The following DUSP4 variants were observed in gnomAD, a reference collection of about 807,000 sequenced individuals.
The protein encoded by DUSP4 is dual specificity phosphatase 4.
Under a neutral mutation model 27.2 loss-of-function variants are expected in DUSP4, and 12 were observed. The ratio of observed to expected loss-of-function variants is 0.44; its 90% CI spans 0.28 to 0.71. The LOEUF (loss-of-function observed/expected upper bound fraction) is 0.71. Ranked by LOEUF, DUSP4 falls within the 30% of genes least tolerant of loss-of-function variation. The probability of loss-of-function intolerance (pLI) is 0.14; values close to 1 mark genes in which losing one functional copy is unlikely to be tolerated. For synonymous variants in DUSP4, 257 were observed against 245.2 expected, an observed-to-expected ratio of 1.05 and a Z score of -0.45; for missense variants, 448 against 551.3, an observed-to-expected ratio of 0.81 and a Z score of 1.88.
At chr8:29,349,069 G>A (rs1817782828) in intron 1 of DUSP4, among the ~76,000 whole-genome samples, 1 of 152,232 alleles carries the variant, frequency 6.6e-6, no homozygotes, top group South Asian at 2.1e-4. Flanking sequence ...TTTCGCCAGG[G>A]CTCGCTAAAA....
chr8:29,345,288 CTACTT>C (rs752985453), intron 1 of DUSP4: 5 of 1,535,322 alleles, frequency 3.3e-6, no homozygotes, highest in Non-Finnish European at 3.6e-6. Flanking sequence ...TTTGGGAACT[CTACTT>C]TATGTGACTG....
At chr8:29,348,194 G>A (rs750243881) in intron 1 of DUSP4, 1 of 985,652 alleles carries the variant, frequency 1.0e-6, no homozygotes, top group Non-Finnish European at 1.2e-6. Context: ...CTCTCCATCG[G>A]GGGGACTCGA....
intron 2 of DUSP4, 55 bp from the exon 3 acceptor site, chr8:29,338,556 C>T: frequency 3.2e-6 from 5 of 1,557,140 alleles, no homozygotes; most frequent in Non-Finnish European, 4.4e-6. Context: ...AAGTGCTTGG[C>T]ACAGGGAGTG....
At position 29,350,611 on chromosome 8, in the gene DUSP4, C is replaced by G. The variant is rs1817809861; in HGVS notation, c.-333G>C. ...CTCCCGTGTATTTTTGCCGGTCGCG[C>G]GGCTCCTGTCGCCACTGGCGCCAGC... On this transcript the variant is annotated 5_prime_UTR_variant, in exon 1 of 4. Transcript: ENST00000240100. The G allele has an allele frequency of 3.4e-6, 1 of 292,800 alleles. No individual in the cohort carries two copies. The highest frequency in any genetic ancestry group is 5.1e-5 in the Admixed American group (1 of 19,656). 18.1% of individuals were successfully genotyped at this position (292,800 alleles called of 1,614,324 possible). A position where few individuals can be genotyped will look rare whatever the true frequency, so the allele number is the denominator to read the frequency against.
intron 1 of DUSP4, chr8:29,346,014 C>T (rs1817729580): frequency 3.0e-6 from 3 of 986,554 alleles, no homozygotes; most frequent in East Asian, 1.1e-4. Context: ...TCCCCCAGAG[C>T]TGTGCTGTTT....
At position 29,350,212 on chromosome 8, in the gene DUSP4, C is replaced by T. The variant is rs1817802711; in HGVS notation, c.67G>A (p.Glu23Lys). 6 of 1,609,078 alleles carry T rather than the reference C, an allele frequency of 3.7e-6. No homozygotes were observed. Among genetic ancestry groups the T allele is most frequent in the East Asian group, 2.2e-5 (1 of 44,774 alleles). ...CTGCCGCCCGCGCCGCCGCCATTCT[C>T]GTCCCGGTTCATCAGCCTTTTGAGC... ...SVLKRLMNRD[E>K]NGGGAGGSGS... The change falls in exon 1 of 4, where the codon GAG becomes AAG. Residue 23 changes from glutamate (E) to lysine (K), a missense_variant. Glu to Lys is a moderately conservative substitution (Grantham distance 56, BLOSUM62 1). Around this residue, in one of 3 missense-constraint regions of DUSP4, gnomAD observed 345 missense variants for 394.0 expected, o/e 0.88. Coordinates refer to ENST00000240100, the MANE Select transcript of DUSP4 (RefSeq NM_001394.7).
chr8:29,338,543 G>A (rs1329741316), intron 2 of DUSP4, 42 bp from the exon 3 acceptor site: 4 of 1,586,712 alleles, frequency 2.5e-6, no homozygotes, highest in Non-Finnish European at 3.4e-6. Context: ...TGACATGAGG[G>A]TAAAGTGCTT....
chr8:29,338,232 C>T (rs1817606008), intron 3 of DUSP4, 50 bp downstream of exon 3: 1 of 1,584,022 alleles, frequency 6.3e-7, no homozygotes, highest in South Asian at 1.1e-5. Context: ...GGTTCCTTAT[C>T]CTTCCCACCC....
At position 29,340,104 on chromosome 8, in the gene DUSP4, G is replaced by A. The variant is rs41277861; in HGVS notation, c.573C>T (p.His191=). The part of the protein sequence containing the change: ...LGCSSCGTPL[H]DQGGPVEILP... Reference sequence around the variant, plus strand: ...CCCTGCCCCCCGAGTCTACCTGGTCGTGTAGTGGGGTCCCACAGGAGCTGC... The same window carrying A: ...CCCTGCCCCCCGAGTCTACCTGGTCATGTAGTGGGGTCCCACAGGAGCTGC... Residue 191 remains histidine (H), a synonymous_variant, in exon 2 of 4, where the codon CAC becomes CAT. Transcript: ENST00000240100. The A allele has an allele frequency of 3.1e-3, 4,851 of 1,571,422 alleles. 16 individuals carry two copies. The highest frequency in any genetic ancestry group is 3.6e-3 in the Non-Finnish European group (4,201 of 1,158,038).
Position 29,339,742 on chromosome 8 carries a change from G to A in DUSP4, c.579+356C>T, listed in dbSNP as rs115669225. Among the ~76,000 whole-genome samples, 667 of 151,752 alleles carry A rather than the reference G, an allele frequency of 4.4e-3. 9 individuals carry two copies. The highest frequency in any genetic ancestry group is 0.015 in the African/African-American group (625 of 41,390). Reference sequence around the variant, plus strand: ...CTCAGGATTGGATGCAGTGGCTCACGCCTGTGATCCCAACACTTTGGGAGG... The same window carrying A: ...CTCAGGATTGGATGCAGTGGCTCACACCTGTGATCCCAACACTTTGGGAGG... On this transcript the variant is annotated intron_variant, in intron 2 of 3. Transcript: ENST00000240100.
chr8:29,336,410 A>G lies in DUSP4; in HGVS notation c.*616T>C, dbSNP rs1410201743. 1 of 152,298 alleles carries G rather than the reference A, an allele frequency of 6.6e-6. No homozygotes were observed. The highest frequency in any genetic ancestry group is 2.4e-5 in the African/African-American group (1 of 41,450). 9.4% of individuals were successfully genotyped at this position (152,298 alleles called of 1,614,324 possible). On this transcript the variant is annotated 3_prime_UTR_variant, in exon 4 of 4. Transcript: ENST00000240100. The stretch of plus-strand genomic sequence containing the variant: ...AGCTGTTTGACATCAACATAAATAT[A>G]TTCTAAATCCACTGTAACTAGACTT...
At chr8:29,349,354 G>T (rs1167856029) in intron 1 of DUSP4, among the ~76,000 whole-genome samples, 1 of 152,248 alleles carries the variant, frequency 6.6e-6, no homozygotes, top group African/African-American at 2.4e-5. Flanking sequence ...ATTTGCCAGG[G>T]TCTTGTTTTC....
At position 29,336,890 on chromosome 8, in the gene DUSP4, C is replaced by T. The variant is rs1817580793; in HGVS notation, c.*136G>A. On this transcript the variant is annotated 3_prime_UTR_variant, in exon 4 of 4. Coordinates refer to ENST00000240100, the MANE Select transcript of DUSP4 (RefSeq NM_001394.7). ...TTATTGCCATTCTGGCTGGCCTCGT[C>T]GTTGGCCAAGGAGAAATGATGGGGA... 2 of 1,309,460 alleles carry T rather than the reference C, an allele frequency of 1.5e-6. No homozygotes were observed. The highest frequency in any genetic ancestry group is 2.0e-6 in the Non-Finnish European group (2 of 987,330). The allele number at this position is 1,309,460 out of a possible 1,614,324, so 81.1% of individuals were successfully genotyped here.
chr8:29,347,437 C>T (rs1207549635), intron 1 of DUSP4, among the ~76,000 whole-genome samples: 2 of 152,212 alleles, frequency 1.3e-5, no homozygotes, highest in African/African-American at 4.8e-5. Context: ...TAAGCTAAAC[C>T]GAATAGGGCC....
intron 1 of DUSP4, among the ~76,000 whole-genome samples, chr8:29,346,595 C>T (rs1054251807): frequency 1.3e-5 from 2 of 152,106 alleles, no homozygotes; most frequent in African/African-American, 2.4e-5. Context: ...CTAAAAATGC[C>T]TTACAAGATT....
In DUSP4 at chr8:29,345,832, CAT is replaced by C. The variant is rs966846430; in HGVS notation, c.433+4012_433+4013del. ...GACATCCAATGTAAATGGTGTCTAA[CAT>C]AGTGAGTTTGCTTCATTGTAAAAAA... On this transcript the variant is annotated intron_variant, in intron 1 of 3. Transcript: ENST00000240100. The C allele has an allele frequency of 9.4e-5, 104 of 1,110,560 alleles. No individual in the cohort carries two copies. The African/African-American group carries it at 1.6e-3, about 17-fold the overall frequency. 68.8% of individuals were successfully genotyped at this position (1,110,560 alleles called of 1,614,324 possible).
rs1295808237 is a variant in DUSP4, at chr8:29,338,519, C to G, written c.580-18G>C. 4 of 1,608,836 alleles carry G rather than the reference C, an allele frequency of 2.5e-6. No homozygotes were observed. The highest frequency in any genetic ancestry group is 3.4e-6 in the Non-Finnish European group (4 of 1,178,080). On this transcript the variant is annotated intron_variant, in intron 2 of 3. Coordinates refer to ENST00000240100, the MANE Select transcript of DUSP4 (RefSeq NM_001394.7). ...GGACCCCCCTGCACAGAAAGGGAAA[C>G]AAAGGCCCCTGAATGACATGAGGGT...
intron 1 of DUSP4, chr8:29,345,777 A>T: frequency 7.9e-7 from 1 of 1,271,096 alleles, no homozygotes. Context: ...TTACACCTAC[A>T]TCTGTCTTTA....
chr8:29,347,740 C>A (rs1443073647), intron 1 of DUSP4: 2 of 985,314 alleles, frequency 2.0e-6, no homozygotes, highest in East Asian at 2.3e-4. Context: ...TAAAGTACTT[C>A]TCTTATGTTG....
Sources: gnomAD v4.1 joint callset for allele counts (sites outside exome capture counted in the v4.1 genomes callset) on GRCh38, gnomAD v4.1.1 for gene constraint, gnomAD v4.1.1 regional missense constraint, MANE v1.5 for transcripts, NCBI Gene and HGNC (gene_info 2026-07-23, HGNC 2026-07-21) for gene names.